IGFBP2: variants seen among roughly 807,000 people sequenced by gnomAD.
IGFBP2 encodes insulin like growth factor binding protein 2.
In IGFBP2, 12 loss-of-function variants were observed where a neutral mutation model predicts 26.2. The observed-to-expected ratio is 0.46, with a 90% CI of 0.29 to 0.74. The LOEUF (loss-of-function observed/expected upper bound fraction) is 0.74, where lower values mean the gene tolerates loss of function less well. Among genes scored for constraint, IGFBP2 ranks in the 30% least tolerant of loss-of-function variants. The pLI is 0.09. For synonymous variants in IGFBP2, 189 were observed against 200.6 expected (o/e 0.94, Z 0.49); for missense variants, 328 against 441.2 (o/e 0.74, Z 2.30).
Position 216,664,280 on chromosome 2 carries a change from G to C in IGFBP2, c.*176G>C. On this transcript the variant is annotated 3_prime_UTR_variant, in exon 4 of 4. Transcript: ENST00000233809. This position sits in a 1 kb window ranked among gnomAD's most constrained non-coding sequence, Gnocchi z 4.6. ...CACCTCCCCGGCCTCTCTCTTCCCAGCTGCAGATGCCACACCTGCTCCTTC... is the reference window on the plus strand; with the variant it reads ...CACCTCCCCGGCCTCTCTCTTCCCACCTGCAGATGCCACACCTGCTCCTTC... 2.1e-6 allele frequency: 1 copy of C among 481,226 alleles called. No homozygotes were observed. Among genetic ancestry groups the C allele is most frequent in the Non-Finnish European group, 3.6e-6 (1 of 277,416 alleles). The allele number at this position is 481,226 out of a possible 1,614,324, so 29.8% of individuals were successfully genotyped here.
Position 216,661,662 on chromosome 2 carries a change from G to A in IGFBP2, c.673-196G>A. 1.8e-5 allele frequency: 12 copies of A among 662,484 alleles called. No homozygotes were observed. The South Asian group carries it at 2.1e-4, about 11-fold the overall frequency. The allele number at this position is 662,484 out of a possible 1,614,324, so 41.0% of individuals were successfully genotyped here. ...TTCCCATCCATACAATTTTCTTTAG[G>A]GGCTGGGGTTGGGCACCCAGCATGG... On this transcript the variant is annotated intron_variant, in intron 2 of 3. Transcript: ENST00000233809.
rs747453609 is a variant in IGFBP2 at position 216,660,689 on chromosome 2, G to A, written c.575G>A (p.Arg192Gln). 1.5e-5 allele frequency: 25 copies of A among 1,613,868 alleles called. No individual in the cohort carries two copies. Among genetic ancestry groups the A allele is most frequent in the South Asian group, 7.7e-5 (7 of 91,022 alleles). Residue 192 changes from arginine to glutamine, a missense_variant, in exon 2 of 4, where the codon CGG becomes CAG. Physicochemically the swap from Arg to Gln is conservative, Grantham distance 43. Transcript: ENST00000233809. ...KSGMKELAVFREKVTEQHRQM... is the reference protein window; with the variant it reads ...KSGMKELAVFQEKVTEQHRQM... ...GGTATGAAGGAGCTGGCCGTGTTCC[G>A]GGAGAAGGTCACTGAGCAGCACCGG...
chr2:216,654,622 CAAGATGTG>C (rs1337484750), intron 1 of IGFBP2, among the ~76,000 whole-genome samples: 1 of 152,184 alleles, frequency 6.6e-6, no homozygotes, highest in Non-Finnish European at 1.5e-5. Flanking sequence ...GCTTCTACTT[CAAGATGTG>C]GAGTTCAGAT....
rs1482608308 is a variant in IGFBP2 at position 216,641,688 on chromosome 2, A to G, written c.442+7723A>G. Among the ~76,000 whole-genome samples the G allele has an allele frequency of 5.2e-5, 7 of 133,384 alleles. No homozygotes were observed. The South Asian group carries it at 1.7e-3, about 32-fold the overall frequency. 87.5% of individuals were successfully genotyped at this position (133,384 alleles called of 152,430 possible). A position where few individuals can be genotyped will look rare whatever the true frequency, so the allele number is the denominator to read the frequency against. ...AACGGTTGGAGACCATCGGGCTTGC[A>G]TTTTTTTTTTTTTTTTTTTTAGACA... On this transcript the variant is annotated intron_variant, in intron 1 of 3. Transcript: ENST00000233809.
intron 1 of IGFBP2, among the ~76,000 whole-genome samples, chr2:216,647,100 G>T (rs544537817): frequency 2.6e-5 from 4 of 152,154 alleles, no homozygotes; most frequent in African/African-American, 9.6e-5. Context: ...GGTAGCTCTT[G>T]GTCACTAAAA....
Position 216,633,676 on chromosome 2 carries a change from C to T in IGFBP2, c.153C>T (p.Ala51=), listed in dbSNP as rs1272734473. 8 of 1,127,024 alleles carry T rather than the reference C, an allele frequency of 7.1e-6. No individual in the cohort carries two copies. The highest frequency in any genetic ancestry group is 8.7e-6 in the Non-Finnish European group (8 of 923,534). The allele number at this position is 1,127,024 out of a possible 1,614,324, so 69.8% of individuals were successfully genotyped here. A position where few individuals can be genotyped will look rare whatever the true frequency, so the allele number is the denominator to read the frequency against. Residue 51 remains alanine, a synonymous_variant, in exon 1 of 4, where the codon GCC becomes GCT. Transcript: ENST00000233809. ...CGCCCTGCACACCCGAGCGCCTGGC[C>T]GCCTGCGGGCCCCCGCCGGTTGCGC... is the stretch of plus-strand genomic sequence containing the variant. ...RCPPCTPERL[A]ACGPPPVAPP...
intron 1 of IGFBP2, among the ~76,000 whole-genome samples, chr2:216,637,045 A>C (rs1414644301): frequency 6.6e-6 from 1 of 152,138 alleles, no homozygotes; most frequent in Non-Finnish European, 1.5e-5. Context: ...GCTTCAAAAA[A>C]AAAGGGGGAA....
In IGFBP2 at chr2:216,634,924, G is replaced by A. The variant is rs551138027; in HGVS notation, c.442+959G>A. Reference sequence around the variant, plus strand: ...TTTTTTTTAATTACGAAAGCCTCCTGCCCCAGTGGTCGGGAGGAAGCTGTA... The same window carrying A: ...TTTTTTTTAATTACGAAAGCCTCCTACCCCAGTGGTCGGGAGGAAGCTGTA... On this transcript the variant is annotated intron_variant, in intron 1 of 3. Transcript: ENST00000233809. Among the ~76,000 whole-genome samples, 4 of 97,896 alleles carry A rather than the reference G, an allele frequency of 4.1e-5. 1 individual carries two copies. The South Asian group carries it at 1.3e-3, about 32-fold the overall frequency. 64.2% of individuals were successfully genotyped at this position (97,896 alleles called of 152,430 possible). A position where few individuals can be genotyped will look rare whatever the true frequency, so the allele number is the denominator to read the frequency against.
chr2:216,633,605 A>G lies in IGFBP2; in HGVS notation c.82A>G (p.Ser28Gly). ...GCTGCTGCTGCTGCTACTGGGCGCG[A>G]GTGGCGGCGGCGGCGGGGCGCGCGC... ...LPLLLLLLGA[S>G]GGGGGARAEV... The change falls in exon 1 of 4, where the codon AGT becomes GGT. Residue 28 changes from serine to glycine, a missense_variant. Ser to Gly is a moderately conservative substitution (Grantham distance 56). Coordinates refer to ENST00000233809, the MANE Select transcript of IGFBP2 (RefSeq NM_000597.3). The G allele has an allele frequency of 1.0e-6, 1 of 985,274 alleles. No individual in the cohort carries two copies. Among genetic ancestry groups the G allele is most frequent in the Middle Eastern group, 5.1e-4 (1 of 1,958 alleles). The allele number at this position is 985,274 out of a possible 1,614,324, so 61.0% of individuals were successfully genotyped here.
chr2:216,636,085 A>G (rs981140385), intron 1 of IGFBP2, among the ~76,000 whole-genome samples: 40 of 152,074 alleles, frequency 2.6e-4, no homozygotes, highest in African/African-American at 9.2e-4. Flanking sequence ...GGTGCAGGAG[A>G]AAAAGGGGTC....
At chr2:216,637,165 T>C (rs1697515676) in intron 1 of IGFBP2, among the ~76,000 whole-genome samples, 1 of 152,218 alleles carries the variant, frequency 6.6e-6, no homozygotes, top group South Asian at 2.1e-4. Context: ...TGGGATCTAC[T>C]GTCACTGATT....
At chr2:216,655,815 A>G (rs745551277) in intron 1 of IGFBP2, among the ~76,000 whole-genome samples, 2 of 152,102 alleles carry the variant, frequency 1.3e-5, no homozygotes, top group Non-Finnish European at 2.9e-5. Flanking sequence ...GAATTGCTCA[A>G]ACCCAGGAGG....
At chr2:216,636,602 A>G (rs1697501124) in intron 1 of IGFBP2, among the ~76,000 whole-genome samples, 1 of 152,108 alleles carries the variant, frequency 6.6e-6, no homozygotes, top group African/African-American at 2.4e-5. Context: ...AGAAAAACCG[A>G]AAGGAGACCC....
intron 3 of IGFBP2, chr2:216,663,244 G>GA (rs1559181653): frequency 1.3e-5 from 2 of 152,212 alleles, no homozygotes; most frequent in Admixed American, 6.5e-5. Flanking sequence ...CTTCTCATGG[G>GA]AAACAGGCTG....
chr2:216,664,117 C>A lies in IGFBP2; in HGVS notation c.*13C>A, dbSNP rs35596092. On this transcript the variant is annotated 3_prime_UTR_variant, in exon 4 of 4. Transcript: ENST00000233809. This position sits in a 1 kb window ranked among gnomAD's most constrained non-coding sequence, Gnocchi z 4.6. ...GCGGATGCAGTAGACCGCAGCCAGC[C>A]GGTGCCTGGCGCCCCTGCCCCCCGC... 6.4e-7 allele frequency: 1 copy of A among 1,564,594 alleles called. No homozygotes were observed. The highest frequency in any genetic ancestry group is 2.3e-5 in the East Asian group (1 of 43,500).
In IGFBP2 at chr2:216,664,305, C is replaced by T. The variant is rs1688718310; in HGVS notation, c.*201C>T. 6.9e-6 allele frequency: 3 copies of T among 431,994 alleles called. No homozygotes were observed. Among genetic ancestry groups the T allele is most frequent in the Non-Finnish European group, 1.2e-5 (3 of 246,032 alleles). The allele number at this position is 431,994 out of a possible 1,614,324, so 26.8% of individuals were successfully genotyped here. On this transcript the variant is annotated 3_prime_UTR_variant, in exon 4 of 4. Transcript: ENST00000233809. The surrounding 1 kb of genome is among the most constrained non-coding windows in gnomAD (Gnocchi z 4.6). Reference sequence around the variant, plus strand: ...GCTGCAGATGCCACACCTGCTCCTTCTTGCTTTCCCCGGGGGAGGAAGGGG... The same window carrying T: ...GCTGCAGATGCCACACCTGCTCCTTTTTGCTTTCCCCGGGGGAGGAAGGGG...
At position 216,633,575 on chromosome 2, in the gene IGFBP2, C is replaced by CTGCCGCTGT; in HGVS notation, c.60_61insTTGCCGCTG (p.Pro19_Leu21dup). On this transcript the variant is annotated inframe_insertion, in exon 1 of 4. Coordinates refer to ENST00000233809, the MANE Select transcript of IGFBP2 (RefSeq NM_000597.3). The stretch of plus-strand genomic sequence containing the variant: ...GCTGCCGCTGCCGCCGCCGCCGCTG[C>CTGCCGCTGT]TGCCGCTGCTGCTGCTGCTACTGGG... 5.9e-6 allele frequency: 6 copies of CTGCCGCTGT among 1,015,922 alleles called. No individual in the cohort carries two copies. The highest frequency in any genetic ancestry group is 5.9e-6 in the Non-Finnish European group (5 of 853,132). The allele number at this position is 1,015,922 out of a possible 1,614,324, so 62.9% of individuals were successfully genotyped here. A position where few individuals can be genotyped will look rare whatever the true frequency, so the allele number is the denominator to read the frequency against.
chr2:216,653,720 T>C (rs1574563503), intron 1 of IGFBP2, among the ~76,000 whole-genome samples: 1 of 151,876 alleles, frequency 6.6e-6, no homozygotes. Flanking sequence ...GGGGTGGGAG[T>C]TCTCCCCTGC....
chr2:216,656,695 A>G (rs969634447), intron 1 of IGFBP2, among the ~76,000 whole-genome samples: 2 of 152,010 alleles, frequency 1.3e-5, no homozygotes, highest in Non-Finnish European at 2.9e-5. Context: ...AGAGGTACAC[A>G]TGAGCTGCCT....
Sources: gnomAD v4.1 joint callset for allele counts (sites outside exome capture counted in the v4.1 genomes callset) on GRCh38, gnomAD v4.1.1 for gene constraint, Gnocchi (gnomAD v3.1) non-coding constraint, MANE v1.5 for transcripts, NCBI Gene and HGNC (gene_info 2026-07-23, HGNC 2026-07-21) for gene names.